CLDN23: variants seen among roughly 807,000 people sequenced by gnomAD.
CLDN23 encodes claudin-23.
CLDN23 carries 3 observed loss-of-function variants against 1.4 expected under a neutral mutation model. That is an observed-to-expected ratio of 2.10 (90% CI 0.96 to 5.43). CLDN23 has a LOEUF of 5.43. CLDN23 is among the 30% of genes most tolerant of loss of function. The pLI, the probability that CLDN23 is intolerant of heterozygous loss-of-function variation, is 0.02. For missense variants in CLDN23, 597 were observed against 433.5 expected (o/e 1.38, Z -3.35); for synonymous variants, 291 against 209.9 (o/e 1.39, Z -3.34).
rs1410127469 is a variant in CLDN23, at chr8:8,703,012, T to G, written c.614T>G (p.Val205Gly). The G allele has an allele frequency of 1.3e-6, 2 of 1,560,516 alleles. No homozygotes were observed. Among genetic ancestry groups the G allele is most frequent in the East Asian group, 2.3e-5 (1 of 42,938 alleles). Residue 205 changes from valine to glycine, a missense_variant, in exon 1 of 1, where the codon GTC becomes GGC. Transcript: ENST00000519106. ...GPSAGPRRSS[V>G]STIQVEWPEP... Reference sequence around the variant, plus strand: ...TCCGCCGGGCCTCGCCGCAGCAGCGTCAGCACCATCCAAGTGGAGTGGCCC... The same window carrying G: ...TCCGCCGGGCCTCGCCGCAGCAGCGGCAGCACCATCCAAGTGGAGTGGCCC...
chr8:8,703,235 C>G lies in CLDN23; in HGVS notation c.837C>G (p.Thr279=). ...CCCAGGACGCTCCCTCGTGCAGCAC[C>G]CACCCCTGCGACAGCTCGCTGCCCT... ...WESQDAPSCS[T]HPCDSSLPCD... is the part of the protein sequence containing the mutation. Residue 279 remains threonine, a synonymous_variant, in exon 1 of 1, where the codon ACC becomes ACG. Transcript: ENST00000519106. 3 of 1,435,282 alleles carry G rather than the reference C, an allele frequency of 2.1e-6. No individual in the cohort carries two copies. Among genetic ancestry groups the G allele is most frequent in the Non-Finnish European group, 2.7e-6 (3 of 1,092,466 alleles). 88.9% of individuals were successfully genotyped at this position (1,435,282 alleles called of 1,614,324 possible). A position where few individuals can be genotyped will look rare whatever the true frequency, so the allele number is the denominator to read the frequency against.
In CLDN23 at chr8:8,702,993, G is replaced by C. The variant is rs1409070037; in HGVS notation, c.595G>C (p.Gly199Arg). Reference protein sequence around the residue: ...CRRRRKGPSAGPRRSSVSTIQ... With the variant: ...CRRRRKGPSARPRRSSVSTIQ... ...CCGCCGCCGCAAGGGACCCTCCGCC[G>C]GGCCTCGCCGCAGCAGCGTCAGCAC... The change falls in exon 1 of 1, where the codon GGG becomes CGG. Residue 199 changes from glycine (G) to arginine (R), a missense_variant. By Grantham distance (125) the Gly-to-Arg change is moderately radical. Transcript: ENST00000519106. 1 of 1,562,416 alleles carries C rather than the reference G, an allele frequency of 6.4e-7. No homozygotes were observed. The highest frequency in any genetic ancestry group is 1.8e-5 in the Admixed American group (1 of 55,902).
In CLDN23 at chr8:8,703,199, G is replaced by A. The variant is rs1315332491; in HGVS notation, c.801G>A (p.Glu267=). The A allele has an allele frequency of 1.4e-5, 21 of 1,488,692 alleles. No individual in the cohort carries two copies. The highest frequency in any genetic ancestry group is 1.8e-5 in the Non-Finnish European group (20 of 1,122,570). The allele number at this position is 1,488,692 out of a possible 1,614,324, so 92.2% of individuals were successfully genotyped here. The change falls in exon 1 of 1, where the codon GAG becomes GAA. Residue 267 remains glutamate (E), a synonymous_variant. Transcript: ENST00000519106. ...YTNSVDVLDG[E]GWESQDAPSC... is the part of the protein sequence containing the mutation. ...ACTCGGTGGACGTCCTCGACGGGGA[G>A]GGGTGGGAGTCCCAGGACGCTCCCT...
rs1802739570 is a variant in CLDN23, at chr8:8,702,176, A to T, written c.-223A>T. 4.9e-6 allele frequency: 2 copies of T among 408,158 alleles called. No individual in the cohort carries two copies. The highest frequency in any genetic ancestry group is 8.5e-6 in the Non-Finnish European group (2 of 234,708). The allele number at this position is 408,158 out of a possible 1,614,324, so 25.3% of individuals were successfully genotyped here. On this transcript the variant is annotated 5_prime_UTR_variant, in exon 1 of 1. Coordinates refer to ENST00000519106, the MANE Select transcript of CLDN23 (RefSeq NM_194284.3). ...CCAGTAGGAGGGCGGAGCGGCCGGGACGCCAGGAGGGAACTAGCCTAAGTG... is the reference window on the plus strand; with the variant it reads ...CCAGTAGGAGGGCGGAGCGGCCGGGTCGCCAGGAGGGAACTAGCCTAAGTG...
In CLDN23 at chr8:8,703,082, G is replaced by A. The variant is rs1177448695; in HGVS notation, c.684G>A (p.Gln228=). The change falls in exon 1 of 1, where the codon CAG becomes CAA. Residue 228 remains glutamine (Q), a synonymous_variant. Transcript: ENST00000519106. The stretch of plus-strand genomic sequence containing the variant: ...CCATCAAGTACTACAGCGACGGCCA[G>A]CACCGACCGCCGCCTGCCCAGCACC... The part of the protein sequence containing the change: ...APAIKYYSDG[Q]HRPPPAQHRK... 6.5e-7 allele frequency: 1 copy of A among 1,533,818 alleles called. No homozygotes were observed. Among genetic ancestry groups the A allele is most frequent in the Non-Finnish European group, 8.7e-7 (1 of 1,148,494 alleles).
In CLDN23 at chr8:8,703,140, C is replaced by G; in HGVS notation, c.742C>G (p.Pro248Ala). The change falls in exon 1 of 1, where the codon CCC (proline) becomes GCC (alanine). Residue 248 changes from proline (P) to alanine (A), a missense_variant. Transcript: ENST00000519106. ...CAAGCCCAAGCCCAAGGTCGGCTTC[C>G]CCATGCCGCGGCCGCGGCCCAAGGC... ...KPKPKPKVGFPMPRPRPKAYT... is the reference protein window; with the variant it reads ...KPKPKPKVGFAMPRPRPKAYT... 2 of 1,542,860 alleles carry G rather than the reference C, an allele frequency of 1.3e-6. No homozygotes were observed. The highest frequency in any genetic ancestry group is 1.7e-6 in the Non-Finnish European group (2 of 1,152,768).
At position 8,702,903 on chromosome 8, in the gene CLDN23, C is replaced by G. The variant is rs1381082859; in HGVS notation, c.505C>G (p.Leu169Val). Residue 169 changes from leucine (L) to valine (V), a missense_variant, in exon 1 of 1, where the codon CTC becomes GTC. Transcript: ENST00000519106. ...SLVLGYLGSC[L>V]LLLGGFSLAL... ...GGTCCTGGGCTACCTGGGCAGCTGC[C>G]TCCTGCTGCTGGGCGGCTTCTCGCT... 2 of 1,571,666 alleles carry G rather than the reference C, an allele frequency of 1.3e-6. No homozygotes were observed. Among genetic ancestry groups the G allele is most frequent in the Admixed American group, 1.7e-5 (1 of 58,008 alleles).
chr8:8,703,543 G>A lies in CLDN23; in HGVS notation c.*266G>A. On this transcript the variant is annotated 3_prime_UTR_variant, in exon 1 of 1. Transcript: ENST00000519106. Reference sequence around the variant, plus strand: ...ATATATTTTTGCTGAAGAATATATGGAAAGGGTGGCATTTGCGTCACGTGG... The same window carrying A: ...ATATATTTTTGCTGAAGAATATATGAAAAGGGTGGCATTTGCGTCACGTGG... 2.7e-6 allele frequency: 1 copy of A among 372,504 alleles called. No individual in the cohort carries two copies. Among genetic ancestry groups the A allele is most frequent in the Non-Finnish European group, 5.0e-6 (1 of 201,116 alleles). The allele number at this position is 372,504 out of a possible 1,614,324, so 23.1% of individuals were successfully genotyped here.
rs564784949 is a variant in CLDN23 at position 8,703,991 on chromosome 8, C to T, written c.*714C>T. 4.2e-5 allele frequency: 7 copies of T among 167,106 alleles called. No homozygotes were observed. Among genetic ancestry groups the T allele is most frequent in the African/African-American group, 9.6e-5 (4 of 41,524 alleles). 10.4% of individuals were successfully genotyped at this position (167,106 alleles called of 1,614,324 possible). A position where few individuals can be genotyped will look rare whatever the true frequency, so the allele number is the denominator to read the frequency against. On this transcript the variant is annotated 3_prime_UTR_variant, in exon 1 of 1. Coordinates refer to ENST00000519106, the MANE Select transcript of CLDN23 (RefSeq NM_194284.3). ...CACCCTTTGGACGCCTCATCCAGGA[C>T]GCAGAGGACTCTAGGTTTAACATTT...
Position 8,702,640 on chromosome 8 carries a change from G to T in CLDN23, c.242G>T (p.Arg81Leu). Reference sequence around the variant, plus strand: ...GAGGCCCAGCCCGTGCTGGTGGCGCGGGCACTCATGGTCACCTCGCTGGCC... The same window carrying T: ...GAGGCCCAGCCCGTGCTGGTGGCGCTGGCACTCATGGTCACCTCGCTGGCC... The part of the protein sequence containing the change: ...YFEAQPVLVA[R>L]ALMVTSLAAT... Residue 81 changes from arginine to leucine, a missense_variant, in exon 1 of 1, where the codon CGG becomes CTG. Transcript: ENST00000519106. 1 of 1,603,328 alleles carries T rather than the reference G, an allele frequency of 6.2e-7. No individual in the cohort carries two copies. Among genetic ancestry groups the T allele is most frequent in the Non-Finnish European group, 8.5e-7 (1 of 1,176,186 alleles).
chr8:8,702,254 A>T lies in CLDN23; in HGVS notation c.-145A>T. ...AGCGTCCCTGGAGCGATCAGGGCTC[A>T]GGAGCCCGACCCGGAGCCCGGGGCG... On this transcript the variant is annotated 5_prime_UTR_variant, in exon 1 of 1. Transcript: ENST00000519106. The T allele has an allele frequency of 2.4e-6, 2 of 835,134 alleles. No homozygotes were observed. Among genetic ancestry groups the T allele is most frequent in the East Asian group, 5.8e-5 (2 of 34,560 alleles). The allele number at this position is 835,134 out of a possible 1,614,324, so 51.7% of individuals were successfully genotyped here.
At position 8,702,129 on chromosome 8, in the gene CLDN23, C is replaced by G. The variant is rs1802737958; in HGVS notation, c.-270C>G. On this transcript the variant is annotated 5_prime_UTR_variant, in exon 1 of 1. Transcript: ENST00000519106. The stretch of plus-strand genomic sequence containing the variant: ...ACCCGCGGTTTCGGTCAGACCCGCC[C>G]GCGGGCTGGTTTCGATTAGGGCCAG... The G allele has an allele frequency of 3.0e-6, 1 of 337,732 alleles. No individual in the cohort carries two copies. The highest frequency in any genetic ancestry group is 5.3e-6 in the Non-Finnish European group (1 of 187,310). 20.9% of individuals were successfully genotyped at this position (337,732 alleles called of 1,614,324 possible). A position where few individuals can be genotyped will look rare whatever the true frequency, so the allele number is the denominator to read the frequency against.
rs896813936 is a variant in CLDN23, at chr8:8,702,579, C to A, written c.181C>A (p.Arg61Ser). The change falls in exon 1 of 1, where the codon CGC becomes AGC. Residue 61 changes from arginine (R) to serine (S), a missense_variant. Coordinates refer to ENST00000519106, the MANE Select transcript of CLDN23 (RefSeq NM_194284.3). Reference sequence around the variant, plus strand: ...GTGTCGCGAGCAGAGCAGCCGCGAGCGCGAGTGCGGCCAGACGGACCAGTG... The same window carrying A: ...GTGTCGCGAGCAGAGCAGCCGCGAGAGCGAGTGCGGCCAGACGGACCAGTG... ...DMCREQSSRE[R>S]ECGQTDQWGY... 3.7e-6 allele frequency: 6 copies of A among 1,609,368 alleles called. No individual in the cohort carries two copies. In the African/African-American group the frequency reaches 8.0e-5, roughly 22 times the overall value.
In CLDN23 at chr8:8,702,382, CGGCGCGGCGGGCCGG is replaced by C; in HGVS notation, c.-15_-1del. Reference sequence around the variant, plus strand: ...GGAAGGCAGGCTGCAGGGGCGCCGTCGGCGCGGCGGGCCGGGATGCGGACGCCGGTGGTGATGACG... The same window carrying C: ...GGAAGGCAGGCTGCAGGGGCGCCGTCGATGCGGACGCCGGTGGTGATGACG... On this transcript the variant is annotated 5_prime_UTR_variant, in exon 1 of 1. Coordinates refer to ENST00000519106, the MANE Select transcript of CLDN23 (RefSeq NM_194284.3). 2.0e-6 allele frequency: 3 copies of C among 1,484,002 alleles called. No homozygotes were observed. The highest frequency in any genetic ancestry group is 2.7e-6 in the Non-Finnish European group (3 of 1,122,290). 91.9% of individuals were successfully genotyped at this position (1,484,002 alleles called of 1,614,324 possible). A position where few individuals can be genotyped will look rare whatever the true frequency, so the allele number is the denominator to read the frequency against.
chr8:8,703,081 A>T lies in CLDN23; in HGVS notation c.683A>T (p.Gln228Leu). Residue 228 changes from glutamine to leucine, a missense_variant, in exon 1 of 1, where the codon CAG becomes CTG. By Grantham distance (113) the Gln-to-Leu change is moderately radical (BLOSUM62 -2). Coordinates refer to ENST00000519106, the MANE Select transcript of CLDN23 (RefSeq NM_194284.3). ...GCCATCAAGTACTACAGCGACGGCCAGCACCGACCGCCGCCTGCCCAGCAC... is the reference window on the plus strand; with the variant it reads ...GCCATCAAGTACTACAGCGACGGCCTGCACCGACCGCCGCCTGCCCAGCAC... Reference protein sequence around the residue: ...APAIKYYSDGQHRPPPAQHRK... With the variant: ...APAIKYYSDGLHRPPPAQHRK... 3 of 1,535,016 alleles carry T rather than the reference A, an allele frequency of 2.0e-6. No individual in the cohort carries two copies. Among genetic ancestry groups the T allele is most frequent in the African/African-American group, 1.4e-5 (1 of 71,590 alleles).
In CLDN23 at chr8:8,703,211, C is replaced by T; in HGVS notation, c.813C>T (p.Ser271=). 6.8e-7 allele frequency: 1 copy of T among 1,472,816 alleles called. No homozygotes were observed. The highest frequency in any genetic ancestry group is 9.0e-7 in the Non-Finnish European group (1 of 1,112,596). The allele number at this position is 1,472,816 out of a possible 1,614,324, so 91.2% of individuals were successfully genotyped here. ...TCCTCGACGGGGAGGGGTGGGAGTCCCAGGACGCTCCCTCGTGCAGCACCC... is the reference window on the plus strand; with the variant it reads ...TCCTCGACGGGGAGGGGTGGGAGTCTCAGGACGCTCCCTCGTGCAGCACCC... The part of the protein sequence containing the change: ...VDVLDGEGWE[S]QDAPSCSTHP... The change falls in exon 1 of 1, where the codon TCC becomes TCT. Residue 271 remains serine (S), a synonymous_variant. Transcript: ENST00000519106.
chr8:8,702,158 G>A lies in CLDN23; in HGVS notation c.-241G>A, dbSNP rs944735704. On this transcript the variant is annotated 5_prime_UTR_variant, in exon 1 of 1. Transcript: ENST00000519106. The stretch of plus-strand genomic sequence containing the variant: ...GGCTGGTTTCGATTAGGGCCAGTAG[G>A]AGGGCGGAGCGGCCGGGACGCCAGG... The A allele has an allele frequency of 7.6e-6, 3 of 394,298 alleles. No homozygotes were observed. Among genetic ancestry groups the A allele is most frequent in the Non-Finnish European group, 1.3e-5 (3 of 224,636 alleles). 24.4% of individuals were successfully genotyped at this position (394,298 alleles called of 1,614,324 possible).
Position 8,703,112 on chromosome 8 carries a change from G to A in CLDN23, c.714G>A (p.Lys238=), listed in dbSNP as rs1240673600. 6.5e-7 allele frequency: 1 copy of A among 1,535,016 alleles called. No homozygotes were observed. The highest frequency in any genetic ancestry group is 8.7e-7 in the Non-Finnish European group (1 of 1,147,126). ...GACCGCCGCCTGCCCAGCACCGCAA[G>A]CCCAAGCCCAAGCCCAAGGTCGGCT... is the stretch of plus-strand genomic sequence containing the variant. ...QHRPPPAQHR[K]PKPKPKVGFP... is the part of the protein sequence containing the mutation. Residue 238 remains lysine, a synonymous_variant, in exon 1 of 1, where the codon AAG becomes AAA. Transcript: ENST00000519106.
Position 8,703,118 on chromosome 8 carries a change from G to C in CLDN23, c.720G>C (p.Lys240Asn), listed in dbSNP as rs575766023. The C allele has an allele frequency of 1.9e-5, 30 of 1,547,116 alleles. 1 individual carries two copies. In the African/African-American group the frequency reaches 2.1e-4, roughly 11 times the overall value. The change falls in exon 1 of 1, where the codon AAG (lysine) becomes AAC (asparagine). Residue 240 changes from lysine to asparagine, a missense_variant. Coordinates refer to ENST00000519106, the MANE Select transcript of CLDN23 (RefSeq NM_194284.3). Reference protein sequence around the residue: ...RPPPAQHRKPKPKPKVGFPMP... With the variant: ...RPPPAQHRKPNPKPKVGFPMP... Reference sequence around the variant, plus strand: ...CGCCTGCCCAGCACCGCAAGCCCAAGCCCAAGCCCAAGGTCGGCTTCCCCA... The same window carrying C: ...CGCCTGCCCAGCACCGCAAGCCCAACCCCAAGCCCAAGGTCGGCTTCCCCA...
Sources: allele counts gnomAD v4.1 joint callset, GRCh38; gene constraint gnomAD v4.1.1; transcripts MANE v1.5; gene names NCBI Gene and HGNC (gene_info 2026-07-23, HGNC 2026-07-21).